Variants in FHIT observed in about 807,000 individuals in gnomAD.
FHIT encodes the protein fragile histidine triad diadenosine triphosphatase.
A neutral mutation model predicts 17.9 loss-of-function variants in FHIT; 19 were observed. That is an observed-to-expected ratio of 1.06 (90% CI 0.74 to 1.56). FHIT has a LOEUF of 1.56. FHIT is among the 40% of genes most tolerant of loss of function. FHIT has a pLI of 0.00. For missense variants in FHIT, 248 were observed against 189.2 expected (o/e 1.31, Z -1.82); for synonymous variants, 81 against 69.7 (o/e 1.16, Z -0.81).
intron 8 of FHIT, among the ~76,000 whole-genome samples, chr3:59,794,695 A>G (rs979656658): frequency 6.6e-6 from 1 of 152,186 alleles, no homozygotes; most frequent in Admixed American, 6.5e-5. Context: ...AGCACTCTCC[A>G]TGCATTTTAT....
chr3:60,626,524 TAG>T (rs1254160415), intron 4 of FHIT, among the ~76,000 whole-genome samples: 1 of 152,210 alleles, frequency 6.6e-6, no homozygotes, highest in Non-Finnish European at 1.5e-5. Context: ...CACAAGTGAA[TAG>T]AGAGAATGAG....
At chr3:60,693,448 T>C (rs782221487) in intron 4 of FHIT, among the ~76,000 whole-genome samples, 13 of 152,328 alleles carry the variant, frequency 8.5e-5, no homozygotes, top group South Asian at 4.1e-4. Flanking sequence ...AAGATTTCTA[T>C]ATGTTCTGAT....
intron 5 of FHIT, among the ~76,000 whole-genome samples, chr3:60,503,341 A>C (rs12488248): frequency 6.6e-6 from 1 of 151,500 alleles, no homozygotes; most frequent in Non-Finnish European, 1.5e-5. Flanking sequence ...GTGAAATTTT[A>C]TTGTATGTCC....
At chr3:59,986,766 T>G (rs1235660959) in intron 7 of FHIT, among the ~76,000 whole-genome samples, 51 of 37,094 alleles carry the variant, frequency 1.4e-3, no homozygotes, top group Non-Finnish European at 1.9e-3. Context: ...ATAAATATAT[T>G]TATATAAATA....
chr3:61,063,429 A>G (rs1310910946), intron 2 of FHIT, among the ~76,000 whole-genome samples: 1 of 152,114 alleles, frequency 6.6e-6, no homozygotes, highest in Non-Finnish European at 1.5e-5. Flanking sequence ...CATGCTCTTA[A>G]CCATTGCACT....
intron 3 of FHIT, among the ~76,000 whole-genome samples, chr3:60,954,020 C>T (rs1416002316): frequency 6.6e-6 from 1 of 152,192 alleles, no homozygotes; most frequent in African/African-American, 2.4e-5. Flanking sequence ...TTCATCACTG[C>T]ACCCTAATTA....
intron 5 of FHIT, among the ~76,000 whole-genome samples, chr3:60,417,443 C>G (rs1702291457): frequency 6.6e-6 from 1 of 152,236 alleles, no homozygotes; most frequent in South Asian, 2.1e-4. Flanking sequence ...GAGACGGAGC[C>G]ATTTGCTGTT....
chr3:61,027,868 T>A (rs1035562322), intron 3 of FHIT, among the ~76,000 whole-genome samples: 2 of 152,220 alleles, frequency 1.3e-5, no homozygotes, highest in African/African-American at 4.8e-5. Flanking sequence ...ACATGTTACA[T>A]GTCCTTTATA....
intron 5 of FHIT, among the ~76,000 whole-genome samples, chr3:60,309,790 C>A (rs1708857640): frequency 6.6e-6 from 1 of 151,926 alleles, no homozygotes; most frequent in South Asian, 2.1e-4. Context: ...TTATATAGAT[C>A]CTGGGGATAC....
intron 7 of FHIT, among the ~76,000 whole-genome samples, chr3:59,948,385 C>T (rs1170223644): frequency 6.7e-6 from 1 of 149,336 alleles, no homozygotes; most frequent in East Asian, 2.0e-4. Context: ...GGCATAGTGG[C>T]ATGTGCCTAT....
At chr3:60,084,208 T>C (rs1703405986) in intron 5 of FHIT, among the ~76,000 whole-genome samples, 1 of 152,196 alleles carries the variant, frequency 6.6e-6, no homozygotes, top group African/African-American at 2.4e-5. Context: ...AAGATTACTC[T>C]GATTTTTTGC....
At chr3:60,726,889 T>C (rs141738405) in intron 4 of FHIT, among the ~76,000 whole-genome samples, 1 of 152,308 alleles carries the variant, frequency 6.6e-6, no homozygotes, top group African/African-American at 2.4e-5. Context: ...GGTTTCAGAA[T>C]AGAAGCAAAT....
At chr3:61,082,083 CA>C (rs111970275) in intron 2 of FHIT, among the ~76,000 whole-genome samples, 62 of 142,556 alleles carry the variant, frequency 4.3e-4, no homozygotes, top group Middle Eastern at 7.0e-3. Flanking sequence ...ATAGATTCTC[CA>C]AAAAAAAAAA....
rs150706971 is a variant in FHIT at position 60,710,482 on chromosome 3, G to A, written c.-18+111437C>T. 9.9e-3 allele frequency among the ~76,000 whole-genome samples: 1,503 copies of A among 152,296 alleles called. 30 individuals are homozygous for A. Among genetic ancestry groups the A allele is most frequent in the African/African-American group, 0.035 (1,440 of 41,578 alleles). ...AGCAGGGCAAGGCATTGCCTCACTC[G>A]GGAAGCGCAAGGGATCAGGGAGTTC... On this transcript the variant is annotated intron_variant, in intron 4 of 9. Transcript: ENST00000492590.
At chr3:60,111,744 G>C (rs960106439) in intron 5 of FHIT, among the ~76,000 whole-genome samples, 1 of 152,302 alleles carries the variant, frequency 6.6e-6, no homozygotes, top group South Asian at 2.1e-4. Context: ...TCCCTATCTT[G>C]GCTCTGCCTC....
chr3:59,949,074 A>G (rs1174549750), intron 7 of FHIT, among the ~76,000 whole-genome samples: 1 of 152,102 alleles, frequency 6.6e-6, no homozygotes, highest in Non-Finnish European at 1.5e-5. Context: ...TCCATAGTCT[A>G]TATTGTTACC....
rs78091581 is a variant in FHIT at position 61,016,111 on chromosome 3, G to T, written c.-111+25936C>A. Among the ~76,000 whole-genome samples the T allele has an allele frequency of 3.7e-3, 561 of 152,260 alleles. 3 individuals carry two copies. Among genetic ancestry groups the T allele is most frequent in the African/African-American group, 0.013 (549 of 41,540 alleles). ...AAGAGGATGTGTTTTCATAAAAGTT[G>T]TAAACACATTTAAGAAATTATCTGA... On this transcript the variant is annotated intron_variant, in intron 3 of 9. Coordinates refer to ENST00000492590, the MANE Select transcript of FHIT (RefSeq NM_002012.4).
At position 60,705,952 on chromosome 3, in the gene FHIT, A is replaced by C. The variant is rs375565111; in HGVS notation, c.-18+115967T>G. On this transcript the variant is annotated intron_variant, in intron 4 of 9. Transcript: ENST00000492590. ...TATTATTTTTTGTTACAGCCTTCTC[A>C]AAAATGTATTTCAAGCCACACATAG... Among the ~76,000 whole-genome samples, 50 of 152,304 alleles carry C rather than the reference A, an allele frequency of 3.3e-4. No homozygotes were observed. The South Asian group carries it at 6.2e-3, about 19-fold the overall frequency.
At chr3:60,189,166 C>T (rs1441941189) in intron 5 of FHIT, among the ~76,000 whole-genome samples, 1 of 150,946 alleles carries the variant, frequency 6.6e-6, no homozygotes, top group African/African-American at 2.4e-5. Context: ...TCAGTCTGAC[C>T]TTTTTTCTCT....
Sources: gnomAD v4.1 joint callset for allele counts (sites outside exome capture counted in the v4.1 genomes callset) on GRCh38, gnomAD v4.1.1 for gene constraint, MANE v1.5 for transcripts, NCBI Gene and HGNC (gene_info 2026-07-23, HGNC 2026-07-21) for gene names.